The following HPSE2 variants were observed in gnomAD, a reference collection of about 807,000 sequenced individuals.
The protein encoded by HPSE2 is heparanase 2 (inactive), also known as inactive heparanase-2.
A neutral mutation model predicts 60.5 loss-of-function variants in HPSE2; 38 were observed. That is an observed-to-expected ratio of 0.63 (90% confidence interval 0.48 to 0.82). The LOEUF (loss-of-function observed/expected upper bound fraction) is 0.82, where lower values mean the gene tolerates loss of function less well. HPSE2 is among the 40% of genes least tolerant of loss of function. HPSE2 has a pLI of 0.00. For missense variants in HPSE2, 713 were observed against 740.4 expected (o/e 0.96, Z 0.43); for synonymous variants, 295 against 293.2 (o/e 1.01, Z -0.06).
intron 3 of HPSE2, among the ~76,000 whole-genome samples, chr10:99,006,585 C>T (rs954867239): frequency 6.6e-6 from 1 of 151,068 alleles, no homozygotes; most frequent in Non-Finnish European, 1.5e-5. Context: ...GCTGGCCTGG[C>T]ACTGGGTGGG....
At chr10:98,726,781 T>C (rs556238769) in intron 4 of HPSE2, among the ~76,000 whole-genome samples, 1 of 152,100 alleles carries the variant, frequency 6.6e-6, no homozygotes, top group South Asian at 2.1e-4. Context: ...GACTACAGGA[T>C]AGAAGTGTGG....
intron 3 of HPSE2, among the ~76,000 whole-genome samples, chr10:98,895,975 G>A (rs12782966): frequency 1.3e-5 from 2 of 150,074 alleles, no homozygotes; most frequent in South Asian, 2.1e-4. Context: ...TAGGAGATAT[G>A]CCTAATGCTA....
chr10:98,753,005 G>A (rs1198001694), intron 3 of HPSE2, among the ~76,000 whole-genome samples: 1 of 152,144 alleles, frequency 6.6e-6, no homozygotes, highest in Non-Finnish European at 1.5e-5. Context: ...TCTCAAAGAA[G>A]CAGAGGGTAG....
At chr10:98,684,104 T>A (rs1232927847) in intron 6 of HPSE2, among the ~76,000 whole-genome samples, 3 of 152,146 alleles carry the variant, frequency 2.0e-5, no homozygotes, top group African/African-American at 7.2e-5. Flanking sequence ...TCTCAGGAAG[T>A]TCTTGGAAGA....
chr10:98,524,224 C>T (rs1284335187), intron 9 of HPSE2, among the ~76,000 whole-genome samples: 2 of 152,148 alleles, frequency 1.3e-5, no homozygotes, highest in Non-Finnish European at 2.9e-5. Flanking sequence ...TAATGGGACA[C>T]GCGCATGAGT....
chr10:99,106,218 T>C (rs904512146), intron 3 of HPSE2, among the ~76,000 whole-genome samples: 2 of 151,194 alleles, frequency 1.3e-5, no homozygotes, highest in East Asian at 2.0e-4. Context: ...ATCTTAACAA[T>C]ATTGAGTTCT....
the HPSE2 span, among the ~76,000 whole-genome samples, chr10:99,272,515 C>T: frequency 6.6e-6 from 1 of 151,900 alleles, no homozygotes; most frequent in African/African-American, 2.4e-5. Context: ...AAAATCTTCA[C>T]AATCTATACA....
chr10:98,945,661 G>C (rs1955159493), intron 3 of HPSE2, among the ~76,000 whole-genome samples: 1 of 152,130 alleles, frequency 6.6e-6, no homozygotes, highest in South Asian at 2.1e-4. Context: ...GATGCGAAGA[G>C]GCTTAGAAGA....
chr10:98,702,980 A>C (rs979932154), intron 5 of HPSE2, among the ~76,000 whole-genome samples: 2 of 152,178 alleles, frequency 1.3e-5, no homozygotes, highest in Non-Finnish European at 2.9e-5. Flanking sequence ...TCAAGAAAAA[A>C]AACAATGAAT....
At chr10:98,987,287 G>A (rs553403821) in intron 3 of HPSE2, among the ~76,000 whole-genome samples, 51 of 152,150 alleles carry the variant, frequency 3.4e-4, no homozygotes, top group African/African-American at 1.2e-3. Flanking sequence ...ACATCAAAAA[G>A]CTTATCCACC....
intron 9 of HPSE2, among the ~76,000 whole-genome samples, chr10:98,516,997 G>C (rs964820737): frequency 1.3e-5 from 2 of 152,116 alleles, no homozygotes; most frequent in African/African-American, 4.8e-5. Context: ...AAATTTACCA[G>C]GAGCTCCCTG....
chr10:98,741,144 C>T (rs4145923), intron 4 of HPSE2, among the ~76,000 whole-genome samples: 143,962 of 152,180 alleles, frequency 0.95, 68,589 homozygotes, highest in East Asian at 1. Flanking sequence ...GAAAGGCACT[C>T]TAAGGGGAAA....
At chr10:98,942,399 C>A (rs1271508552) in intron 3 of HPSE2, among the ~76,000 whole-genome samples, 2 of 148,380 alleles carry the variant, frequency 1.3e-5, no homozygotes, top group Admixed American at 6.7e-5. Context: ...AAACAAACAA[C>A]CCCATCAAAA....
intron 3 of HPSE2, among the ~76,000 whole-genome samples, chr10:99,017,043 T>C (rs1957158868): frequency 6.6e-6 from 1 of 152,206 alleles, no homozygotes; most frequent in Non-Finnish European, 1.5e-5. Context: ...CTGATTGTCC[T>C]GGCCAGAACT....
chr10:99,116,288 G>A (rs932656185), intron 3 of HPSE2, among the ~76,000 whole-genome samples: 3 of 151,810 alleles, frequency 2.0e-5, no homozygotes, highest in African/African-American at 7.3e-5. Flanking sequence ...AATTAAAGTT[G>A]TCCAACCACT....
intron 3 of HPSE2, among the ~76,000 whole-genome samples, chr10:98,997,841 G>A (rs1409724281): frequency 6.6e-6 from 1 of 152,220 alleles, no homozygotes; most frequent in Admixed American, 6.5e-5. Context: ...CAACCAAAGT[G>A]AAGACGAGGA....
At chr10:98,545,159 T>A (rs1353737521) in intron 9 of HPSE2, among the ~76,000 whole-genome samples, 2 of 152,028 alleles carry the variant, frequency 1.3e-5, no homozygotes, top group African/African-American at 4.8e-5. Flanking sequence ...GTGGCAATAA[T>A]CAATAGCTTA....
chr10:98,846,643 CAACA>C (rs1294502902), intron 3 of HPSE2, among the ~76,000 whole-genome samples: 1 of 152,132 alleles, frequency 6.6e-6, no homozygotes, highest in African/African-American at 2.4e-5. Flanking sequence ...AGACTCAAGC[CAACA>C]AACAAAGAAG....
chr10:98,717,569 AG>A (rs760280063), intron 5 of HPSE2, among the ~76,000 whole-genome samples: 3 of 152,148 alleles, frequency 2.0e-5, no homozygotes, highest in Non-Finnish European at 4.4e-5. Context: ...GTTGCATCTC[AG>A]GGAATAGAAA....
Sources: allele counts gnomAD v4.1 joint callset (sites outside exome capture counted in the v4.1 genomes callset), GRCh38; gene constraint gnomAD v4.1.1; transcripts MANE v1.5; gene names NCBI Gene and HGNC (gene_info 2026-07-23, HGNC 2026-07-21).